The following FAS variants were observed in gnomAD, a reference collection of about 807,000 sequenced individuals.
The protein encoded by FAS is Fas cell surface death receptor.
A neutral mutation model predicts 33.2 loss-of-function variants in FAS; 5 were observed. The observed-to-expected ratio is 0.15, with a 90% CI of 0.08 to 0.32. FAS has a LOEUF of 0.32. Among genes scored for constraint, FAS ranks in the 10% least tolerant of loss-of-function variants. FAS has a pLI of 1.00. For synonymous variants in FAS, 131 were observed against 130.7 expected (o/e 1.00, Z -0.01); for missense variants, 339 against 386.0 (o/e 0.88, Z 1.02).
exon 2 of FAS, chr10:88,973,303 A>AACAG: frequency 6.2e-7 from 1 of 1,610,378 alleles, no homozygotes; most frequent in African/African-American, 1.3e-5. Flanking sequence ...TCACCATCTG[A>AACAG]ACAGCTCTGA....
intron 1 of FAS, among the ~76,000 whole-genome samples, chr10:88,967,025 T>C (rs1023342296): frequency 6.6e-6 from 1 of 152,150 alleles, no homozygotes; most frequent in South Asian, 2.1e-4. Flanking sequence ...GCCTGGGAGT[T>C]TATACAACAC....
chr10:89,008,932 G>A lies in FAS; in HGVS notation c.378G>A (p.Lys126=). ...ACTGCACCCGGACCCAGAATACCAAGTGCAGATGTAAACCAAACTTTTTTT... is the reference window on the plus strand; with the variant it reads ...ACTGCACCCGGACCCAGAATACCAAATGCAGATGTAAACCAAACTTTTTTT... ...EINCTRTQNT[K]CRCKPNFFCN... The change falls in exon 4 of 9, where the codon AAG becomes AAA. Residue 126 remains lysine, a synonymous_variant. Coordinates refer to ENST00000652046, the MANE Select transcript of FAS (RefSeq NM_000043.6). The A allele has an allele frequency of 6.2e-7, 1 of 1,614,038 alleles. No homozygotes were observed. Among genetic ancestry groups the A allele is most frequent in the Non-Finnish European group, 8.5e-7 (1 of 1,179,894 alleles).
intron 2 of FAS, among the ~76,000 whole-genome samples, chr10:88,977,517 T>C (rs2133338365): frequency 6.6e-6 from 1 of 152,112 alleles, no homozygotes; most frequent in South Asian, 2.1e-4. Context: ...AGGGCTAATA[T>C]CCAGAATCTA....
Position 89,015,172 on chromosome 10 carries a change from C to G in FAS, c.*722C>G. The G allele has an allele frequency of 1.9e-6, 1 of 534,812 alleles. No individual in the cohort carries two copies. The highest frequency in any genetic ancestry group is 3.6e-6 in the Non-Finnish European group (1 of 276,678). 33.1% of individuals were successfully genotyped at this position (534,812 alleles called of 1,614,324 possible). A position where few individuals can be genotyped will look rare whatever the true frequency, so the allele number is the denominator to read the frequency against. ...TCTCAGGCATCAAAAGCATTTTGAG[C>G]AGGAGAGTATTACTAGAGCTTTGCC... On this transcript the variant is annotated 3_prime_UTR_variant, in exon 9 of 9. Coordinates refer to ENST00000652046, the MANE Select transcript of FAS (RefSeq NM_000043.6).
upstream of FAS, among the ~76,000 whole-genome samples, chr10:88,988,503 T>A (rs1846988236): frequency 6.6e-6 from 1 of 151,116 alleles, no homozygotes; most frequent in East Asian, 2.0e-4. Flanking sequence ...TTATTCAGAA[T>A]GTTCAGAAAC....
chr10:89,008,497 C>T (rs1424979439), intron 3 of FAS, among the ~76,000 whole-genome samples: 1 of 152,200 alleles, frequency 6.6e-6, no homozygotes, highest in Non-Finnish European at 1.5e-5. Flanking sequence ...AGGGCAATTA[C>T]ATCAGAGTCT....
intron 1 of FAS, among the ~76,000 whole-genome samples, chr10:88,965,795 A>G (rs1284744942): frequency 1.3e-5 from 2 of 152,156 alleles, no homozygotes; most frequent in Non-Finnish European, 2.9e-5. Context: ...TGTCAATTTT[A>G]TGATCCACTG....
chr10:88,972,552 T>G (rs185519288), intron 1 of FAS, among the ~76,000 whole-genome samples: 26 of 152,242 alleles, frequency 1.7e-4, no homozygotes, highest in African/African-American at 6.3e-4. Flanking sequence ...TATTGTTTAA[T>G]TTTTTTTCTA....
rs190852915 is a variant in FAS, at chr10:89,014,493, G to A, written c.*43G>A. 508 of 1,565,138 alleles carry A rather than the reference G, an allele frequency of 3.2e-4. 1 individual carries two copies. The Middle Eastern group carries it at 3.6e-3, about 11-fold the overall frequency. On this transcript the variant is annotated 3_prime_UTR_variant, in exon 9 of 9. Transcript: ENST00000652046. ...TCAGTTCTGAGTATATGCAATTAGT[G>A]TTTGAAAAGATTCTTAATAGCTGGC...
At chr10:88,964,261 A>G (rs1846284144) in intron 1 of FAS, among the ~76,000 whole-genome samples, 1 of 152,182 alleles carries the variant, frequency 6.6e-6, no homozygotes, top group Admixed American at 6.6e-5. Context: ...AAGCGAACAG[A>G]AGTTTATTAA....
In FAS at chr10:89,006,813, A is replaced by G. The variant is rs146800355; in HGVS notation, c.197-887A>G. 2.6e-4 allele frequency among the ~76,000 whole-genome samples: 39 copies of G among 152,358 alleles called. No homozygotes were observed. The East Asian group carries it at 5.0e-3, about 20-fold the overall frequency. On this transcript the variant is annotated intron_variant, in intron 2 of 8. Transcript: ENST00000652046. The stretch of plus-strand genomic sequence containing the variant: ...CTCAATAGGCATTTAATAAACACCT[A>G]TCAGATAAATGAATTTTTTAAGAGA...
rs9658779 is a variant in FAS at position 89,015,783 on chromosome 10, G to T, written c.*1333G>T. 138 of 471,344 alleles carry T rather than the reference G, an allele frequency of 2.9e-4. 1 individual carries two copies. Among genetic ancestry groups the T allele is most frequent in the African/African-American group, 2.3e-3 (120 of 51,698 alleles). The allele number at this position is 471,344 out of a possible 1,614,324, so 29.2% of individuals were successfully genotyped here. ...AGTACGTAATTAAATAATGTTTTTG[G>T]TATTTCTGGTTTTCTCTTTTTTGGT... is the stretch of plus-strand genomic sequence containing the variant. On this transcript the variant is annotated 3_prime_UTR_variant, in exon 9 of 9. Transcript: ENST00000652046.
At chr10:88,978,475 A>G (rs866709325) in intron 2 of FAS, among the ~76,000 whole-genome samples, 41 of 152,372 alleles carry the variant, frequency 2.7e-4, no homozygotes, top group South Asian at 4.1e-4. Context: ...GGTGAAGTTG[A>G]GAAAACATAA....
At chr10:88,997,039 A>G (rs1264415171) in intron 1 of FAS, among the ~76,000 whole-genome samples, 2 of 152,234 alleles carry the variant, frequency 1.3e-5, no homozygotes, top group Non-Finnish European at 2.9e-5. Context: ...TTTCTTCATG[A>G]GAAGTCAAAT....
chr10:88,965,729 A>G (rs1846307714), intron 1 of FAS, among the ~76,000 whole-genome samples: 1 of 152,200 alleles, frequency 6.6e-6, no homozygotes, highest in Admixed American at 6.5e-5. Flanking sequence ...AGATTTTCCC[A>G]GGGATTGCTG....
At chr10:88,965,833 AATT>A (rs1216384293) in intron 1 of FAS, among the ~76,000 whole-genome samples, 1 of 152,156 alleles carries the variant, frequency 6.6e-6, no homozygotes, top group African/African-American at 2.4e-5. Flanking sequence ...GCTTTTAACT[AATT>A]ATTGATCACC....
intron 2 of FAS, among the ~76,000 whole-genome samples, chr10:88,979,223 G>C (rs1209651415): frequency 2.0e-5 from 3 of 151,782 alleles, no homozygotes; most frequent in African/African-American, 7.3e-5. Flanking sequence ...CTGGGGAGGA[G>C]AGATAAGGAA....
upstream of FAS, among the ~76,000 whole-genome samples, chr10:88,986,473 T>C (rs10788624): frequency 0.15 from 23,100 of 152,174 alleles, 2,094 homozygotes; most frequent in East Asian, 0.43. Context: ...TTTTCAGTCA[T>C]TGCTCAAGAG....
chr10:88,964,858 G>A (rs1217728002), intron 1 of FAS, among the ~76,000 whole-genome samples: 1 of 152,106 alleles, frequency 6.6e-6, no homozygotes, highest in Non-Finnish European at 1.5e-5. Context: ...CTGCTCCTTT[G>A]TAACTTTCTT....
Sources: gnomAD v4.1 joint callset for allele counts (sites outside exome capture counted in the v4.1 genomes callset) on GRCh38, gnomAD v4.1.1 for gene constraint, MANE v1.5 for transcripts, NCBI Gene and HGNC (gene_info 2026-07-23, HGNC 2026-07-21) for gene names.